CSMD1: variants seen among roughly 807,000 people sequenced by gnomAD.
The protein encoded by CSMD1 is CUB and Sushi multiple domains 1.
In CSMD1, 213 loss-of-function variants were observed where a neutral mutation model predicts 417.5. That is an observed-to-expected ratio of 0.51 (90% CI 0.46 to 0.57). The LOEUF is 0.57. Among genes scored for constraint, CSMD1 ranks in the 20% least tolerant of loss-of-function variants. The probability of loss-of-function intolerance (pLI) is 0.00; values close to 1 mark genes in which losing one functional copy is unlikely to be tolerated. For synonymous variants in CSMD1, 2,862 were observed against 1,736.8 expected (o/e 1.65, Z -16.11); for missense variants, 6,923 against 4,529.7 (o/e 1.53, Z -15.17).
At chr8:4,719,583 T>C (rs1033355917) in intron 1 of CSMD1, among the ~76,000 whole-genome samples, 6 of 149,586 alleles carry the variant, frequency 4.0e-5, no homozygotes, top group African/African-American at 9.9e-5. Flanking sequence ...CTTTCTAAGA[T>C]AGCATAGAAC....
chr8:3,310,887 TAA>T (rs1248367838), intron 23 of CSMD1, among the ~76,000 whole-genome samples: 3 of 152,118 alleles, frequency 2.0e-5, no homozygotes, highest in African/African-American at 4.8e-5. Context: ...TCTGGAGTTT[TAA>T]AAAAAGTTTT....
intron 2 of CSMD1, among the ~76,000 whole-genome samples, chr8:4,546,558 T>A (rs1037742972): frequency 6.6e-6 from 1 of 152,172 alleles, no homozygotes; most frequent in African/African-American, 2.4e-5. Flanking sequence ...CCCTAGTACA[T>A]CAGCACTTCT....
At chr8:4,460,122 A>T (rs1360032904) in intron 2 of CSMD1, among the ~76,000 whole-genome samples, 1 of 152,190 alleles carries the variant, frequency 6.6e-6, no homozygotes, top group East Asian at 1.9e-4. Context: ...CCACAGAACT[A>T]CTTTCAGTTT....
intron 7 of CSMD1, among the ~76,000 whole-genome samples, chr8:3,656,838 T>C (rs1412669212): frequency 6.6e-6 from 1 of 151,572 alleles, no homozygotes; most frequent in Non-Finnish European, 1.5e-5. Context: ...GGCAGATGAA[T>C]AGCTTGTCCC....
intron 3 of CSMD1, among the ~76,000 whole-genome samples, chr8:4,320,681 A>G (rs980952848): frequency 3.9e-5 from 6 of 152,182 alleles, no homozygotes; most frequent in African/African-American, 1.4e-4. Context: ...TGCAAAGGAC[A>G]TGAACTCATC....
chr8:3,568,219 G>C lies in CSMD1; in HGVS notation c.1344+6726C>G, dbSNP rs145905423. 3.3e-3 allele frequency among the ~76,000 whole-genome samples: 495 copies of C among 152,254 alleles called. 4 individuals are homozygous for C. The highest frequency in any genetic ancestry group is 0.011 in the African/African-American group (456 of 41,552). On this transcript the variant is annotated intron_variant, in intron 10 of 69. Transcript: ENST00000635120. ...GCCAAACAAAACAATTGTTGTGGAT[G>C]TTTGAGTATTTATTTCCCTAATCAA...
intron 3 of CSMD1, among the ~76,000 whole-genome samples, chr8:4,110,637 G>GT (rs61199442): frequency 6.6e-6 from 1 of 152,058 alleles, no homozygotes; most frequent in Non-Finnish European, 1.5e-5. Flanking sequence ...GATATATACA[G>GT]GTGTGTGTGT....
chr8:3,457,511 A>C (rs1263344838), intron 12 of CSMD1, among the ~76,000 whole-genome samples: 3 of 152,228 alleles, frequency 2.0e-5, no homozygotes, highest in African/African-American at 7.2e-5. Flanking sequence ...CTGAGTCATC[A>C]AAACCGCATG....
intron 3 of CSMD1, among the ~76,000 whole-genome samples, chr8:4,191,222 C>A (rs1245003784): frequency 6.6e-6 from 1 of 152,184 alleles, no homozygotes; most frequent in South Asian, 2.1e-4. Context: ...TGGTGAAACC[C>A]CATCTGTACT....
chr8:3,825,696 G>A (rs143237655), intron 5 of CSMD1, among the ~76,000 whole-genome samples: 4 of 152,132 alleles, frequency 2.6e-5, no homozygotes, highest in Non-Finnish European at 4.4e-5. Flanking sequence ...CTCCCTCAAA[G>A]ACATAGTAGC....
At chr8:3,774,051 G>A (rs1056633136) in intron 5 of CSMD1, among the ~76,000 whole-genome samples, 1 of 152,064 alleles carries the variant, frequency 6.6e-6, no homozygotes, top group Admixed American at 6.5e-5. Flanking sequence ...TTGGGCTTTT[G>A]CTATTTTCCT....
chr8:4,315,765 TTTC>T (rs1798887574), intron 3 of CSMD1, among the ~76,000 whole-genome samples: 1 of 152,010 alleles, frequency 6.6e-6, no homozygotes, highest in Non-Finnish European at 1.5e-5. Context: ...TAGCTGGTCA[TTTC>T]ATTTCAAAAC....
intron 3 of CSMD1, among the ~76,000 whole-genome samples, chr8:4,195,070 A>G (rs1424379120): frequency 6.6e-6 from 1 of 152,210 alleles, no homozygotes; most frequent in Non-Finnish European, 1.5e-5. Context: ...TTCAGCTGTT[A>G]CGCCTAGAAT....
At chr8:4,246,255 T>G (rs985473348) in intron 3 of CSMD1, among the ~76,000 whole-genome samples, 1 of 152,180 alleles carries the variant, frequency 6.6e-6, no homozygotes, top group Non-Finnish European at 1.5e-5. Flanking sequence ...ATCTTACTTA[T>G]ACATGATAAC....
At chr8:4,559,911 T>G (rs1798254313) in intron 2 of CSMD1, among the ~76,000 whole-genome samples, 1 of 152,244 alleles carries the variant, frequency 6.6e-6, no homozygotes, top group African/African-American at 2.4e-5. Context: ...GGGTTTCTCA[T>G]GACCCTGGGT....
At chr8:4,949,221 A>ATTTGGG (rs1808571714) in intron 1 of CSMD1, among the ~76,000 whole-genome samples, 1 of 152,050 alleles carries the variant, frequency 6.6e-6, no homozygotes, top group African/African-American at 2.4e-5. Context: ...TTTGTCTATA[A>ATTTGGG]TTTTTTTAGA....
chr8:3,114,737 G>A lies in CSMD1; in HGVS notation c.6430+3662C>T, dbSNP rs1235927195. On this transcript the variant is annotated intron_variant, in intron 42 of 69. Coordinates refer to ENST00000635120, the MANE Select transcript of CSMD1 (RefSeq NM_033225.6). ...AGTTATTTTTATTCTCTATTATTGG[G>A]AAAGATTATTTTCTGTATTTACCAA... Among the ~76,000 whole-genome samples, 8 of 152,202 alleles carry A rather than the reference G, an allele frequency of 5.3e-5. No individual in the cohort carries two copies. The East Asian group carries it at 1.4e-3, about 26-fold the overall frequency.
chr8:4,236,904 G>A (rs901102401), intron 3 of CSMD1, among the ~76,000 whole-genome samples: 1 of 152,172 alleles, frequency 6.6e-6, no homozygotes, highest in East Asian at 1.9e-4. Flanking sequence ...CAATTTCCAG[G>A]CCTCTCAGCT....
At chr8:3,508,465 C>A (rs189965767) in intron 10 of CSMD1, among the ~76,000 whole-genome samples, 3,572 of 151,408 alleles carry the variant, frequency 0.024, 137 homozygotes, top group African/African-American at 0.081. Context: ...ATGTAACAAA[C>A]CTGCATGTTG....
Sources: gnomAD v4.1 joint callset for allele counts (sites outside exome capture counted in the v4.1 genomes callset) on GRCh38, gnomAD v4.1.1 for gene constraint, MANE v1.5 for transcripts, NCBI Gene and HGNC (gene_info 2026-07-23, HGNC 2026-07-21) for gene names.